The following HERC2 variants were observed in gnomAD, a reference collection of about 807,000 sequenced individuals.
The protein encoded by HERC2 is HECT and RLD domain containing E3 ubiquitin protein ligase 2, also known as E3 ubiquitin-protein ligase HERC2.
Under a neutral mutation model 537.7 loss-of-function variants are expected in HERC2, and 102 were observed. That is an observed-to-expected ratio of 0.19 (90% confidence interval 0.16 to 0.22). The LOEUF (loss-of-function observed/expected upper bound fraction) is 0.22, where lower values mean the gene tolerates loss of function less well. Ranked by LOEUF, HERC2 falls within the 10% of genes least tolerant of loss-of-function variation. The pLI is 1.00. For missense variants in HERC2, 4,236 were observed against 6,198.2 expected, an observed-to-expected ratio of 0.68 and a Z score of 10.63; for synonymous variants, 2,224 against 2,466.2, an observed-to-expected ratio of 0.90 and a Z score of 2.91.
At chr15:28,301,853 G>A (rs1567140523) in intron 2 of HERC2, among the ~76,000 whole-genome samples, 3 of 138,472 alleles carry the variant, frequency 2.2e-5, no homozygotes, top group South Asian at 2.3e-4. Context: ...AAGCTGGAGT[G>A]CAGTTGTGCG....
chr15:28,246,806 G>A lies in HERC2; in HGVS notation c.3327C>T (p.Ser1109=), dbSNP rs755179682. 2.5e-6 allele frequency: 4 copies of A among 1,610,550 alleles called. No homozygotes were observed. The highest frequency in any genetic ancestry group is 3.4e-6 in the Non-Finnish European group (4 of 1,178,628). The part of the protein sequence containing the change: ...HIGDILPVAA[S]IASTSWRHFA... ...AGTGCCGCCAGCTGGTAGAAGCAAT[G>A]CTGGCGGCCACAGGCAGTATATCTC... The change falls in exon 22 of 93, where the codon AGC becomes AGT. Residue 1109 remains serine, a synonymous_variant. Transcript: ENST00000261609.
chr15:28,272,193 A>G (rs368337348), intron 9 of HERC2, 22 bp downstream of exon 9: 8 of 1,563,762 alleles, frequency 5.1e-6, no homozygotes, highest in Non-Finnish European at 6.1e-6. Flanking sequence ...ACCTAAACAC[A>G]AAGTTCCATC....
At chr15:28,293,318 C>T (rs1027510646) in intron 3 of HERC2, among the ~76,000 whole-genome samples, 7 of 151,758 alleles carry the variant, frequency 4.6e-5, no homozygotes, top group African/African-American at 7.3e-5. Context: ...ACGGTGAAAC[C>T]CCATCTCTAC....
At chr15:28,185,346 C>T (rs1396109742) in intron 56 of HERC2, among the ~76,000 whole-genome samples, 2 of 152,142 alleles carry the variant, frequency 1.3e-5, no homozygotes, top group East Asian at 1.9e-4. Flanking sequence ...CCAGCACTGG[C>T]GGCTTGCCTC....
At position 28,263,020 on chromosome 15, in the gene HERC2, T is replaced by G; in HGVS notation, c.2020A>C (p.Lys674Gln). 1 of 1,614,202 alleles carries G rather than the reference T, an allele frequency of 6.2e-7. No individual in the cohort carries two copies. Among genetic ancestry groups the G allele is most frequent in the Non-Finnish European group, 8.5e-7 (1 of 1,180,040 alleles). ...CGSQFSIALT[K>Q]DGQVYSWGKG... The stretch of plus-strand genomic sequence containing the variant: ...CCCCATGAATAAACTTGGCCATCTT[T>G]CGTCAAAGCAATGGAAAACTGACTT... The change falls in exon 15 of 93, where the codon AAA (lysine) becomes CAA (glutamine). Residue 674 changes from lysine (K) to glutamine (Q), a missense_variant. Physicochemically the swap from Lys to Gln is moderately conservative, Grantham distance 53 (BLOSUM62 1). Transcript: ENST00000261609.
intron 69 of HERC2, among the ~76,000 whole-genome samples, chr15:28,159,567 T>C (rs1893361220): frequency 6.6e-6 from 1 of 152,250 alleles, no homozygotes; most frequent in Non-Finnish European, 1.5e-5. Context: ...TCTCATGCCA[T>C]GGTTTTCAGC....
chr15:28,230,400 C>G lies in HERC2; in HGVS notation c.4776G>C (p.Val1592=). The G allele has an allele frequency of 2.6e-6, 4 of 1,544,038 alleles. No individual in the cohort carries two copies. Among genetic ancestry groups the G allele is most frequent in the Non-Finnish European group, 3.5e-6 (4 of 1,133,316 alleles). ...ACILPHSPIN[V]DKRPIAIKSP... is the part of the protein sequence containing the mutation. ...ATTTAATTGCAATGGGTCTCTTGTC[C>G]ACATTTATTGGACTATGAGGCAAAA... Residue 1592 remains valine, a synonymous_variant, in exon 31 of 93, where the codon GTG becomes GTC. Transcript: ENST00000261609.
At chr15:28,305,978 A>G (rs1168924031) in intron 2 of HERC2, among the ~76,000 whole-genome samples, 3 of 152,356 alleles carry the variant, frequency 2.0e-5, no homozygotes, top group East Asian at 1.9e-4. Flanking sequence ...CCACTATGAG[A>G]TACCATCTCA....
At position 28,248,667 on chromosome 15, in the gene HERC2, A is replaced by G. The variant is rs1596319771; in HGVS notation, c.3120T>C (p.Phe1040=). The G allele has an allele frequency of 1.2e-6, 2 of 1,613,980 alleles. No individual in the cohort carries two copies. The highest frequency in any genetic ancestry group is 1.7e-6 in the Non-Finnish European group (2 of 1,179,934). ...CAGATCTTTCACGACTGTGTTGCTC[A>G]AAGTCCAGACATGATGAAATCCGAC... ...VARRISSCLD[F]EQHSRERSAS... Residue 1040 remains phenylalanine (F), a synonymous_variant, in exon 21 of 93, where the codon TTT becomes TTC. Transcript: ENST00000261609.
chr15:28,195,015 C>A (rs1477325241), intron 52 of HERC2, among the ~76,000 whole-genome samples: 1 of 150,212 alleles, frequency 6.7e-6, no homozygotes, highest in African/African-American at 2.5e-5. Flanking sequence ...AGGATCGCGC[C>A]ACTGCACTCC....
chr15:28,272,988 G>A lies in HERC2; in HGVS notation c.817C>T (p.Pro273Ser), dbSNP rs763443416. The A allele has an allele frequency of 3.1e-6, 5 of 1,612,242 alleles. No individual in the cohort carries two copies. Among genetic ancestry groups the A allele is most frequent in the Non-Finnish European group, 2.5e-6 (3 of 1,179,962 alleles). ...ATGCTTCCTGGCCCTTTGGTGGCTG[G>A]CGTTCCGTGAACATCCCTGAAATGA... Reference protein sequence around the residue: ...SVVTGDVHGTPATKGPGSIPL... With the variant: ...SVVTGDVHGTSATKGPGSIPL... Residue 273 changes from proline to serine, a missense_variant, in exon 8 of 93, where the codon CCA becomes TCA. Transcript: ENST00000261609.
intron 44 of HERC2, among the ~76,000 whole-genome samples, chr15:28,207,604 T>C (rs565934414): frequency 4.8e-4 from 73 of 152,258 alleles, no homozygotes; most frequent in African/African-American, 1.7e-3. Context: ...TTGTCTGTTA[T>C]GAGTAGCTTT....
At chr15:28,301,733 GTGTATATA>G (rs1322813558) in intron 2 of HERC2, among the ~76,000 whole-genome samples, 1,349 of 30,894 alleles carry the variant, frequency 0.044, 58 homozygotes, top group East Asian at 0.17. Context: ...TTGTATGTAT[GTGTATATA>G]TATATATATA....
rs150607268 is a variant in HERC2, at chr15:28,140,539, G to A, written c.12015+893C>T. 4.2e-3 allele frequency among the ~76,000 whole-genome samples: 633 copies of A among 151,878 alleles called. 6 individuals carry two copies. The highest frequency in any genetic ancestry group is 0.014 in the African/African-American group (593 of 41,424). On this transcript the variant is annotated intron_variant, in intron 78 of 92. Transcript: ENST00000261609. ...TCAGTGGCAATCTTTTTTTGGGGGC[G>A]GAGACAGAATCTCACTCCGTCACCC...
chr15:28,204,939 C>T (rs1183274087), intron 45 of HERC2, among the ~76,000 whole-genome samples: 6 of 151,958 alleles, frequency 3.9e-5, no homozygotes, highest in African/African-American at 1.5e-4. Flanking sequence ...GGGGAAAAAA[C>T]AATAGTCAAA....
intron 2 of HERC2, among the ~76,000 whole-genome samples, chr15:28,316,377 T>C (rs1377444735): frequency 2.0e-5 from 3 of 152,024 alleles, no homozygotes; most frequent in Non-Finnish European, 2.9e-5. Flanking sequence ...CAGTGGCTCA[T>C]ACATGTAATC....
intron 44 of HERC2, among the ~76,000 whole-genome samples, chr15:28,208,786 C>A (rs570928709): frequency 6.6e-6 from 1 of 152,174 alleles, no homozygotes; most frequent in Admixed American, 6.5e-5. Flanking sequence ...AAAGGCTGCC[C>A]GTCCAGTGCT....
intron 48 of HERC2, among the ~76,000 whole-genome samples, chr15:28,201,120 G>A (rs1185408887): frequency 3.3e-5 from 5 of 150,884 alleles, no homozygotes. Context: ...CTACACCGGG[G>A]CAGCCACAGC....
intron 81 of HERC2, 120 bp downstream of exon 81, chr15:28,131,980 T>A: frequency 1.2e-6 from 1 of 819,346 alleles, no homozygotes; most frequent in Non-Finnish European, 1.9e-6. Flanking sequence ...AAAGTGCTCC[T>A]AAGGAGCACA....
Sources: gnomAD v4.1 joint callset for allele counts (sites outside exome capture counted in the v4.1 genomes callset) on GRCh38, gnomAD v4.1.1 for gene constraint, MANE v1.5 for transcripts, NCBI Gene and HGNC (gene_info 2026-07-23, HGNC 2026-07-21) for gene names.